The following RGS9 variants were observed in gnomAD, a reference collection of about 807,000 sequenced individuals.
The protein encoded by RGS9 is regulator of G-protein signalling 9.
Under a neutral mutation model 102.0 loss-of-function variants are expected in RGS9, and 78 were observed. That is an observed-to-expected ratio of 0.76 (90% CI 0.64 to 0.92). RGS9 has a LOEUF of 0.92. Ranked by LOEUF, RGS9 falls within the 40% of genes least tolerant of loss-of-function variation. The pLI is 0.00. For synonymous variants in RGS9, 353 were observed against 318.6 expected, an observed-to-expected ratio of 1.11 and a Z score of -1.15; for missense variants, 833 against 866.1, an observed-to-expected ratio of 0.96 and a Z score of 0.48.
Position 65,193,627 on chromosome 17 carries a change from C to T in RGS9, c.831C>T (p.Asp277=). The change falls in exon 12 of 19, where the codon GAC becomes GAT. Residue 277 remains aspartate, a synonymous_variant. Transcript: ENST00000262406. The part of the protein sequence containing the change: ...CLPSNPWITD[D]TQFWDLNAKL... The stretch of plus-strand genomic sequence containing the variant: ...CCAGCAACCCCTGGATCACCGATGA[C>T]ACCCAGTTCTGGGACTTAAATGCCA... 1.9e-6 allele frequency: 3 copies of T among 1,613,440 alleles called. No individual in the cohort carries two copies. The highest frequency in any genetic ancestry group is 2.5e-6 in the Non-Finnish European group (3 of 1,179,334).
chr17:65,201,435 A>G (rs1912839802), intron 13 of RGS9, among the ~76,000 whole-genome samples: 2 of 152,320 alleles, frequency 1.3e-5, no homozygotes, highest in Admixed American at 1.3e-4. Context: ...GGGACTGCAA[A>G]TGATGGGTTC....
chr17:65,208,698 T>A (rs1913168019), intron 16 of RGS9, among the ~76,000 whole-genome samples: 1 of 152,166 alleles, frequency 6.6e-6, no homozygotes, highest in Non-Finnish European at 1.5e-5. Flanking sequence ...GCAGAGGTTT[T>A]TCCACTGGCA....
intron 9 of RGS9, among the ~76,000 whole-genome samples, chr17:65,188,341 C>G (rs1248819335): frequency 2.0e-5 from 3 of 152,206 alleles, no homozygotes; most frequent in Admixed American, 2.0e-4. Context: ...CAGTATGACC[C>G]TGCTCCAACA....
At chr17:65,166,986 G>C (rs1265755441) in intron 7 of RGS9, among the ~76,000 whole-genome samples, 1 of 152,196 alleles carries the variant, frequency 6.6e-6, no homozygotes, top group Non-Finnish European at 1.5e-5. Flanking sequence ...ACTCTGTCTT[G>C]CAGAGGGCGT....
intron 6 of RGS9, among the ~76,000 whole-genome samples, chr17:65,161,427 T>C (rs1417753324): frequency 4.6e-5 from 7 of 151,858 alleles, no homozygotes. Context: ...AATTTTTGTA[T>C]TTTTAATAGA....
intron 11 of RGS9, among the ~76,000 whole-genome samples, chr17:65,191,327 C>G (rs1187688342): frequency 2.0e-5 from 3 of 151,978 alleles, no homozygotes. Context: ...GACCTCATTA[C>G]CGTAATTTTG....
At chr17:65,197,795 A>G (rs1002079541) in intron 13 of RGS9, among the ~76,000 whole-genome samples, 1 of 151,360 alleles carries the variant, frequency 6.6e-6, no homozygotes. Flanking sequence ...TCAGCCTCCC[A>G]AGTAGCTGGC....
intron 8 of RGS9, among the ~76,000 whole-genome samples, chr17:65,174,132 G>A (rs915354847): frequency 3.3e-5 from 5 of 152,194 alleles, no homozygotes; most frequent in African/African-American, 4.8e-5. Context: ...GTCTAAGGCC[G>A]TCTGGTCTGG....
At position 65,168,096 on chromosome 17, in the gene RGS9, T is replaced by C. The variant is rs149153243; in HGVS notation, c.501-104T>C. ...TACTATTACGGTATATGTGAATTAC[T>C]TGGGCAGGTTGGGAGAGGGGTCTAG... On this transcript the variant is annotated intron_variant, in intron 7 of 18. Transcript: ENST00000262406. 5,100 of 723,372 alleles carry C rather than the reference T, an allele frequency of 7.1e-3. 54 individuals are homozygous for C. The highest frequency in any genetic ancestry group is 0.023 in the South Asian group (1,526 of 67,226). 44.8% of individuals were successfully genotyped at this position (723,372 alleles called of 1,614,324 possible). A position where few individuals can be genotyped will look rare whatever the true frequency, so the allele number is the denominator to read the frequency against.
chr17:65,181,787 C>T (rs1911894581), intron 9 of RGS9, among the ~76,000 whole-genome samples: 1 of 152,232 alleles, frequency 6.6e-6, no homozygotes, highest in Admixed American at 6.5e-5. Context: ...GTCTCAGTTT[C>T]CTCATCTCTA....
intron 2 of RGS9, among the ~76,000 whole-genome samples, chr17:65,154,554 G>C (rs116697927): frequency 0.015 from 2,279 of 152,134 alleles, 45 homozygotes; most frequent in African/African-American, 0.052. Flanking sequence ...AAAAAAGTTG[G>C]CCTTTGTTTT....
chr17:65,163,696 G>A (rs2144002644), intron 7 of RGS9, among the ~76,000 whole-genome samples: 1 of 152,230 alleles, frequency 6.6e-6, no homozygotes, highest in East Asian at 1.9e-4. Context: ...GCATAGGAGG[G>A]GTCCAGGTGA....
intron 8 of RGS9, among the ~76,000 whole-genome samples, chr17:65,171,265 A>G (rs996556521): frequency 9.9e-5 from 15 of 152,232 alleles, no homozygotes; most frequent in African/African-American, 3.4e-4. Flanking sequence ...ATAACAGCCA[A>G]GAGTCATTGA....
chr17:65,146,137 G>A (rs945239700), intron 1 of RGS9, among the ~76,000 whole-genome samples: 1 of 151,986 alleles, frequency 6.6e-6, no homozygotes, highest in Non-Finnish European at 1.5e-5. Context: ...AGAGAAACTC[G>A]GGTTTCTAAC....
intron 1 of RGS9, among the ~76,000 whole-genome samples, chr17:65,138,662 A>G (rs1910006057): frequency 6.6e-6 from 1 of 152,118 alleles, no homozygotes. Context: ...GAGAGCCTGT[A>G]TTGCAGATAC....
chr17:65,218,131 T>A (rs1220793070), intron 17 of RGS9, among the ~76,000 whole-genome samples: 2 of 152,078 alleles, frequency 1.3e-5, no homozygotes, highest in South Asian at 4.1e-4. Context: ...TATATGGAAG[T>A]TTCTGTATGT....
chr17:65,155,988 C>G (rs1910753434), intron 2 of RGS9, among the ~76,000 whole-genome samples: 1 of 152,014 alleles, frequency 6.6e-6, no homozygotes, highest in South Asian at 2.1e-4. Flanking sequence ...TTCAGCCCAG[C>G]AATGTGACTC....
chr17:65,201,399 C>T (rs557023896), intron 13 of RGS9, among the ~76,000 whole-genome samples: 75 of 152,292 alleles, frequency 4.9e-4, no homozygotes, highest in African/African-American at 1.6e-3. Context: ...TCTGTAAGAA[C>T]CGTTGGCCTG....
At position 65,197,128 on chromosome 17, in the gene RGS9, T is replaced by C. The variant is rs1319533840; in HGVS notation, c.863T>C (p.Val288Ala). The change falls in exon 13 of 19, where the codon GTG becomes GCG. Residue 288 changes from valine (V) to alanine (A), a missense_variant and splice_region_variant. Val to Ala is a moderately conservative substitution (Grantham distance 64, BLOSUM62 0). Transcript: ENST00000262406. ...TQFWDLNAKL[V>A]EIPTKMRVER... ...GCATTTACAAATCATCCTTGCAGGG[T>C]GGAAATCCCAACCAAGATGCGAGTG... The C allele has an allele frequency of 3.1e-6, 5 of 1,611,476 alleles. No homozygotes were observed. Among genetic ancestry groups the C allele is most frequent in the Admixed American group, 1.7e-5 (1 of 59,912 alleles).
Sources: gnomAD v4.1 joint callset for allele counts (sites outside exome capture counted in the v4.1 genomes callset) on GRCh38, gnomAD v4.1.1 for gene constraint, MANE v1.5 for transcripts, NCBI Gene and HGNC (gene_info 2026-07-23, HGNC 2026-07-21) for gene names.